The following PDE10A variants were observed in gnomAD, a reference collection of about 807,000 sequenced individuals.
PDE10A encodes cAMP and cAMP-inhibited cGMP 3',5'-cyclic phosphodiesterase 10A.
PDE10A carries 39 observed loss-of-function variants against 97.7 expected under a neutral mutation model. That is an observed-to-expected ratio of 0.40 (90% CI 0.31 to 0.52). The LOEUF (loss-of-function observed/expected upper bound fraction) is 0.52. PDE10A is among the 20% of genes least tolerant of loss of function. PDE10A has a pLI of 0.56. For synonymous variants in PDE10A, 371 were observed against 376.8 expected (o/e 0.98, Z 0.18); for missense variants, 731 against 1,047.8 (o/e 0.70, Z 4.17).
chr6:165,519,588 A>G (rs541125581), intron 2 of PDE10A, among the ~76,000 whole-genome samples: 5 of 152,136 alleles, frequency 3.3e-5, no homozygotes, highest in Non-Finnish European at 7.4e-5. Context: ...CTGCTGCTCA[A>G]TTCGTTTAAC....
At chr6:165,472,379 G>A (rs1779064898) in intron 3 of PDE10A, among the ~76,000 whole-genome samples, 1 of 151,764 alleles carries the variant, frequency 6.6e-6, no homozygotes, top group African/African-American at 2.4e-5. Flanking sequence ...GAAATAGATT[G>A]CCAAAGACAA....
intron 1 of PDE10A, among the ~76,000 whole-genome samples, chr6:165,684,431 G>A (rs904411491): frequency 2.6e-5 from 4 of 152,172 alleles, no homozygotes; most frequent in Non-Finnish European, 5.9e-5. Context: ...CCAAAATAAC[G>A]CCTCAGGTCT....
At chr6:165,607,783 C>A (rs1787281728) in intron 1 of PDE10A, among the ~76,000 whole-genome samples, 1 of 152,120 alleles carries the variant, frequency 6.6e-6, no homozygotes, top group Non-Finnish European at 1.5e-5. Context: ...ACGTGTTTAA[C>A]AGCATCAACT....
At chr6:165,942,817 T>A (rs1783576908) in intron 1 of PDE10A, among the ~76,000 whole-genome samples, 1 of 152,172 alleles carries the variant, frequency 6.6e-6, no homozygotes. Context: ...GTTTGCCAAT[T>A]CCAGGGTGTA....
chr6:165,327,540 A>G lies in PDE10A; in HGVS notation c.*5485T>C, dbSNP rs565858557. 6.6e-6 allele frequency: 1 copy of G among 152,318 alleles called. No homozygotes were observed. Among genetic ancestry groups the G allele is most frequent in the South Asian group, 2.1e-4 (1 of 4,830 alleles). 9.4% of individuals were successfully genotyped at this position (152,318 alleles called of 1,614,324 possible). On this transcript the variant is annotated 3_prime_UTR_variant, in exon 22 of 22. Coordinates refer to ENST00000539869, the MANE Select transcript of PDE10A (RefSeq NM_001385079.1). ...CAACTTGCCTAGATTATAATAAATG[A>G]TTACTGTTCTATTATACAAACATAA...
intron 19 of PDE10A, 56 bp from the exon 20 acceptor site, chr6:165,339,414 T>G: frequency 9.8e-7 from 1 of 1,015,234 alleles, no homozygotes. Flanking sequence ...GCTATACTAT[T>G]TTGATATTAT....
chr6:165,901,427 G>A (rs997122734), intron 1 of PDE10A, among the ~76,000 whole-genome samples: 3 of 152,226 alleles, frequency 2.0e-5, no homozygotes, highest in Admixed American at 2.0e-4. Context: ...ACAAAGCCCA[G>A]GTCCTCATCA....
chr6:165,623,224 C>A (rs185776292), intron 1 of PDE10A, among the ~76,000 whole-genome samples: 7 of 152,288 alleles, frequency 4.6e-5, no homozygotes, highest in Admixed American at 4.6e-4. Context: ...CTCCTGGGTT[C>A]ACGTGATTCT....
chr6:165,903,740 G>A (rs1270872077), intron 1 of PDE10A, among the ~76,000 whole-genome samples: 2 of 149,602 alleles, frequency 1.3e-5, no homozygotes, highest in Non-Finnish European at 3.0e-5. Context: ...AGAAAGTGTA[G>A]ATACAAAAAA....
At chr6:165,802,564 G>A (rs577974043) in intron 1 of PDE10A, among the ~76,000 whole-genome samples, 6 of 152,282 alleles carry the variant, frequency 3.9e-5, no homozygotes, top group East Asian at 1.9e-4. Flanking sequence ...GGCTGCGTGC[G>A]GCCTGAAGCT....
At chr6:165,398,626 C>T (rs1786379921) in intron 13 of PDE10A, among the ~76,000 whole-genome samples, 1 of 151,942 alleles carries the variant, frequency 6.6e-6, no homozygotes, top group African/African-American at 2.4e-5. Flanking sequence ...ATCAGTTGAC[C>T]CTGCAAACTA....
At position 165,661,759 on chromosome 6, in the gene PDE10A, C is replaced by A. The variant is rs991431643; in HGVS notation, c.865+188G>T. Among the ~76,000 whole-genome samples the A allele has an allele frequency of 1.3e-4, 20 of 152,106 alleles. No homozygotes were observed. The highest frequency in any genetic ancestry group is 4.1e-4 in the African/African-American group (17 of 41,452). ...GGAAACCCCGGCGTCCCTGCGCGGC[C>A]GAACGCTCCCGCGCTCCGCCAGGGG... On this transcript the variant is annotated intron_variant, in intron 1 of 21. Transcript: ENST00000539869. The surrounding 1 kb of genome is among the most constrained non-coding windows in gnomAD (Gnocchi z 4.8).
intron 1 of PDE10A, among the ~76,000 whole-genome samples, chr6:165,704,885 G>C (rs1791668696): frequency 6.6e-6 from 1 of 152,230 alleles, no homozygotes; most frequent in South Asian, 2.1e-4. Flanking sequence ...GACAGTCCAT[G>C]ATGGACCATT....
At chr6:165,855,836 G>A (rs558329034) in intron 1 of PDE10A, among the ~76,000 whole-genome samples, 6 of 152,238 alleles carry the variant, frequency 3.9e-5, no homozygotes, top group African/African-American at 1.4e-4. Flanking sequence ...AATGGGCACA[G>A]CCACTTTGTG....
At chr6:165,868,153 G>A (rs766010326) in intron 1 of PDE10A, among the ~76,000 whole-genome samples, 3 of 151,742 alleles carry the variant, frequency 2.0e-5, no homozygotes, top group Non-Finnish European at 4.4e-5. Flanking sequence ...TTGGTACAAT[G>A]AAACAAACAC....
chr6:165,823,530 C>A (rs1474965358), intron 1 of PDE10A, among the ~76,000 whole-genome samples: 9 of 40,564 alleles, frequency 2.2e-4, no homozygotes, highest in Middle Eastern at 0.031. Context: ...ATATATGAAC[C>A]TTAATTATAA....
chr6:165,548,720 C>G (rs530942623), intron 1 of PDE10A, among the ~76,000 whole-genome samples: 2 of 152,266 alleles, frequency 1.3e-5, no homozygotes, highest in East Asian at 3.9e-4. Context: ...CTCATTCTAT[C>G]ATGCCTTCTT....
chr6:165,403,586 T>C (rs541185690), intron 13 of PDE10A, among the ~76,000 whole-genome samples: 15 of 152,170 alleles, frequency 9.9e-5, no homozygotes, highest in Non-Finnish European at 2.1e-4. Flanking sequence ...CCTATTTAAT[T>C]TACATTTAAA....
At chr6:165,635,178 T>C (rs543577792) in intron 1 of PDE10A, among the ~76,000 whole-genome samples, 39 of 152,302 alleles carry the variant, frequency 2.6e-4, no homozygotes, top group African/African-American at 8.4e-4. Flanking sequence ...GTAGGCGCAG[T>C]ATTCTCCGTG....
Sources: allele counts gnomAD v4.1 joint callset (sites outside exome capture counted in the v4.1 genomes callset), GRCh38; gene constraint gnomAD v4.1.1; non-coding constraint Gnocchi (gnomAD v3.1); transcripts MANE v1.5; gene names NCBI Gene and HGNC (gene_info 2026-07-23, HGNC 2026-07-21).